MYO3A: variants seen among roughly 807,000 people sequenced by gnomAD.
MYO3A encodes the protein myosin IIIA.
In MYO3A, 180 loss-of-function variants were observed where a neutral mutation model predicts 192.7. The observed-to-expected ratio is 0.93, with a 90% CI of 0.83 to 1.06. MYO3A has a LOEUF of 1.06. Ranked by LOEUF, MYO3A falls within the 50% of genes least tolerant of loss-of-function variation. The pLI, the probability that MYO3A is intolerant of heterozygous loss-of-function variation, is 0.00. For synonymous variants in MYO3A, 628 were observed against 645.3 expected, an observed-to-expected ratio of 0.97 and a Z score of 0.41; for missense variants, 1,896 against 1,905.0, an observed-to-expected ratio of 1.00 and a Z score of 0.09.
intron 30 of MYO3A, among the ~76,000 whole-genome samples, chr10:26,176,168 C>T (rs943365234): frequency 6.6e-6 from 1 of 152,152 alleles, no homozygotes; most frequent in African/African-American, 2.4e-5. Context: ...GTGGCAGGCA[C>T]CTGTAGTCCC....
intron 31 of MYO3A, among the ~76,000 whole-genome samples, chr10:26,186,010 T>C (rs1055262776): frequency 2.0e-5 from 3 of 152,206 alleles, no homozygotes; most frequent in Admixed American, 2.0e-4. Context: ...CATAACCTTT[T>C]CCCTATTGTT....
intron 10 of MYO3A, among the ~76,000 whole-genome samples, chr10:26,030,110 A>G (rs1471146291): frequency 6.6e-6 from 1 of 151,810 alleles, no homozygotes; most frequent in Non-Finnish European, 1.5e-5. Context: ...GGGACCCCAC[A>G]CTCAGCCCCA....
chr10:26,192,523 G>GA (rs780749187), intron 31 of MYO3A, among the ~76,000 whole-genome samples: 4 of 151,846 alleles, frequency 2.6e-5, no homozygotes, highest in Non-Finnish European at 4.4e-5. Flanking sequence ...TCCTTTTTAA[G>GA]TTTTTTTTCT....
intron 10 of MYO3A, among the ~76,000 whole-genome samples, chr10:26,058,829 TC>T (rs1212353456): frequency 1.3e-5 from 2 of 152,256 alleles, no homozygotes; most frequent in Non-Finnish European, 2.9e-5. Context: ...AGTCTTCCTA[TC>T]CATGAACATA....
intron 2 of MYO3A, among the ~76,000 whole-genome samples, chr10:25,937,635 A>G (rs1225984927): frequency 7.2e-5 from 11 of 152,154 alleles, no homozygotes; most frequent in Admixed American, 7.2e-4. Flanking sequence ...ACCACCTTTT[A>G]AAGATGGAGA....
intron 31 of MYO3A, among the ~76,000 whole-genome samples, chr10:26,190,310 A>T (rs2132134465): frequency 6.6e-6 from 1 of 152,322 alleles, no homozygotes; most frequent in Middle Eastern, 3.4e-3. Context: ...CACACGGCAA[A>T]GGTGTTATCA....
intron 4 of MYO3A, among the ~76,000 whole-genome samples, chr10:25,978,399 C>A (rs1452611043): frequency 6.6e-6 from 1 of 152,166 alleles, no homozygotes; most frequent in Non-Finnish European, 1.5e-5. Context: ...ACGTGGATGG[C>A]AGTAGGCAAA....
chr10:26,073,843 A>C, intron 14 of MYO3A, among the ~76,000 whole-genome samples: 1 of 151,778 alleles, frequency 6.6e-6, no homozygotes, highest in Non-Finnish European at 1.5e-5. Context: ...GGTTCACTGC[A>C]AAGAGTCATG....
chr10:26,121,091 T>A (rs766145633), intron 18 of MYO3A, among the ~76,000 whole-genome samples: 12 of 151,860 alleles, frequency 7.9e-5, no homozygotes, highest in Non-Finnish European at 1.3e-4. Flanking sequence ...TAGTTAAAAT[T>A]CAGTAAACTG....
chr10:26,158,263 T>A (rs1002952322), intron 26 of MYO3A, among the ~76,000 whole-genome samples: 65 of 152,122 alleles, frequency 4.3e-4, no homozygotes, highest in East Asian at 1.5e-3. Context: ...TATTTTTTTT[T>A]TTTTTTTGAG....
At chr10:26,207,702 A>G (rs1364831675) in intron 34 of MYO3A, among the ~76,000 whole-genome samples, 1 of 152,202 alleles carries the variant, frequency 6.6e-6, no homozygotes, top group Non-Finnish European at 1.5e-5. Flanking sequence ...GAAATCAGAT[A>G]GTGTGATGTC....
intron 4 of MYO3A, among the ~76,000 whole-genome samples, chr10:25,962,072 A>G (rs1837966573): frequency 6.6e-6 from 1 of 152,124 alleles, no homozygotes; most frequent in South Asian, 2.1e-4. Flanking sequence ...TAGCCTAGAG[A>G]AACTCCTGTG....
chr10:25,988,682 C>T (rs1412815890), intron 4 of MYO3A, among the ~76,000 whole-genome samples: 1 of 151,916 alleles, frequency 6.6e-6, no homozygotes, highest in African/African-American at 2.4e-5. Flanking sequence ...AATTAAAATG[C>T]CTTTCAGTTT....
At chr10:26,181,504 T>C (rs1261534940) in intron 31 of MYO3A, among the ~76,000 whole-genome samples, 1 of 152,040 alleles carries the variant, frequency 6.6e-6, no homozygotes, top group Admixed American at 6.6e-5. Flanking sequence ...TTATAAATCA[T>C]TCGGAAAAAT....
intron 14 of MYO3A, among the ~76,000 whole-genome samples, chr10:26,080,725 T>C (rs186248402): frequency 2.6e-4 from 39 of 152,180 alleles, no homozygotes; most frequent in African/African-American, 7.7e-4. Context: ...TTATTCAGAT[T>C]CTTTTGTCCC....
intron 23 of MYO3A, among the ~76,000 whole-genome samples, chr10:26,153,059 A>T (rs978716826): frequency 2.6e-5 from 4 of 152,236 alleles, no homozygotes; most frequent in African/African-American, 9.6e-5. Flanking sequence ...TATTTTGCAC[A>T]TTACTATTAG....
intron 2 of MYO3A, among the ~76,000 whole-genome samples, chr10:25,950,195 T>C (rs1419235663): frequency 1.3e-5 from 2 of 152,150 alleles, no homozygotes; most frequent in East Asian, 3.8e-4. Context: ...AAAGGCTATT[T>C]GAGGACAAAC....
At chr10:26,078,685 A>G (rs567255672) in intron 14 of MYO3A, among the ~76,000 whole-genome samples, 2 of 152,088 alleles carry the variant, frequency 1.3e-5, no homozygotes, top group African/African-American at 4.8e-5. Flanking sequence ...TTTGCTGTAT[A>G]CTAGAGGTTT....
intron 20 of MYO3A, among the ~76,000 whole-genome samples, chr10:26,134,030 AT>A (rs1434129106): frequency 6.6e-6 from 1 of 152,216 alleles, no homozygotes; most frequent in Non-Finnish European, 1.5e-5. Flanking sequence ...TAGAATATAA[AT>A]TTGTAAAATC....
Sources: allele counts gnomAD v4.1 joint callset (sites outside exome capture counted in the v4.1 genomes callset), GRCh38; gene constraint gnomAD v4.1.1; transcripts MANE v1.5; gene names NCBI Gene and HGNC (gene_info 2026-07-23, HGNC 2026-07-21).